The following WASHC3 variants were observed in gnomAD, a reference collection of about 807,000 sequenced individuals.
WASHC3 encodes the protein WASH complex subunit CCDC53.
In WASHC3, 24 loss-of-function variants were observed where a neutral mutation model predicts 26.1. The observed-to-expected ratio is 0.92, with a 90% CI of 0.66 to 1.29. The LOEUF is 1.29. WASHC3 is among the 50% of genes most tolerant of loss of function. WASHC3 has a pLI of 0.00. For synonymous variants in WASHC3, 77 were observed against 75.7 expected (o/e 1.02, Z -0.09); for missense variants, 214 against 229.6 (o/e 0.93, Z 0.44).
At chr12:102,018,783 A>ATTAT (rs894490957) in intron 6 of WASHC3, among the ~76,000 whole-genome samples, 1 of 151,730 alleles carries the variant, frequency 6.6e-6, no homozygotes, top group African/African-American at 2.4e-5. Flanking sequence ...CATTCATTTT[A>ATTAT]TTATTTATTT....
intron 2 of WASHC3, chr12:102,050,722 A>G (rs1030913841): frequency 7.8e-6 from 3 of 385,386 alleles, no homozygotes; most frequent in Middle Eastern, 7.6e-4. Flanking sequence ...TCCTGTTTAT[A>G]AAGTACCTTT....
At chr12:102,033,469 C>T (rs961023595) in intron 5 of WASHC3, among the ~76,000 whole-genome samples, 2 of 152,062 alleles carry the variant, frequency 1.3e-5, no homozygotes, top group Non-Finnish European at 2.9e-5. Context: ...AAGTATATTA[C>T]ACTTTGGAAA....
intron 6 of WASHC3, among the ~76,000 whole-genome samples, chr12:102,024,448 A>T (rs1394488907): frequency 6.6e-6 from 1 of 152,232 alleles, no homozygotes; most frequent in Non-Finnish European, 1.5e-5. Flanking sequence ...AGAGATATTA[A>T]AAATGAGAAC....
chr12:102,037,785 TTTTTTTGTTTTTTG>T (rs951824595), intron 5 of WASHC3, among the ~76,000 whole-genome samples: 5 of 152,064 alleles, frequency 3.3e-5, no homozygotes, highest in South Asian at 4.1e-4. Flanking sequence ...TATTCAGTTT[TTTTTTTGTTTTTTG>T]TTTTTTGTTT....
intron 2 of WASHC3, among the ~76,000 whole-genome samples, 186 bp downstream of exon 2, chr12:102,061,062 T>C (rs1878790457): frequency 6.6e-6 from 1 of 150,790 alleles, no homozygotes; most frequent in South Asian, 2.1e-4. Flanking sequence ...ACTAACTCAG[T>C]AGAGGAGGGG....
At chr12:102,015,106 C>G (rs1345941868) in intron 6 of WASHC3, among the ~76,000 whole-genome samples, 1 of 152,088 alleles carries the variant, frequency 6.6e-6, no homozygotes, top group Non-Finnish European at 1.5e-5. Context: ...AGTTCAAGAC[C>G]AGCCTGGGCA....
chr12:102,016,124 A>C (rs1876690228), intron 6 of WASHC3, among the ~76,000 whole-genome samples: 1 of 152,090 alleles, frequency 6.6e-6, no homozygotes, highest in Non-Finnish European at 1.5e-5. Flanking sequence ...TCCTGACCTC[A>C]AGTGATCCAT....
intron 5 of WASHC3, among the ~76,000 whole-genome samples, chr12:102,034,989 G>C (rs1877593307): frequency 6.6e-6 from 1 of 152,028 alleles, no homozygotes; most frequent in African/African-American, 2.4e-5. Context: ...CACATATATG[G>C]AAATTCTTGA....
At chr12:102,055,496 C>T (rs537243036) in intron 2 of WASHC3, among the ~76,000 whole-genome samples, 1 of 152,264 alleles carries the variant, frequency 6.6e-6, no homozygotes, top group East Asian at 1.9e-4. Context: ...CAGGTGTGCA[C>T]CACCACGCCC....
intron 5 of WASHC3, among the ~76,000 whole-genome samples, chr12:102,032,165 A>G (rs1426889398): frequency 4.6e-5 from 7 of 152,170 alleles, no homozygotes; most frequent in Non-Finnish European, 2.9e-5. Context: ...ACATTTCCTC[A>G]GGCCAACATC....
rs1322951932 is a variant in WASHC3 at position 102,046,053 on chromosome 12, C to A, written c.216+1G>T. 2 of 1,565,388 alleles carry A rather than the reference C, an allele frequency of 1.3e-6. No homozygotes were observed. The highest frequency in any genetic ancestry group is 1.7e-6 in the Non-Finnish European group (2 of 1,143,344). ...ACTACAAATTATTGAGAAATACCAACCTTTGCATCTAAAATATTGAGAGTT... is the reference window on the plus strand; with the variant it reads ...ACTACAAATTATTGAGAAATACCAAACTTTGCATCTAAAATATTGAGAGTT... On this transcript the variant is annotated splice_donor_variant, in intron 3 of 6. Transcript: ENST00000240079. LOFTEE classifies it high-confidence loss of function.
rs768625901 is a variant in WASHC3, at chr12:102,044,189, A to C, written c.240T>G (p.Asp80Glu). ...AAGGAGATACTTCAACTGTGACATC[A>C]TCTAGGCCTGGGATAGATGACAACT... ...DAKLSSIPGL[D>E]DVTVEVSPLN... The change falls in exon 4 of 7, where the codon GAT becomes GAG. Residue 80 changes from aspartate to glutamate, a missense_variant. Asp to Glu is a conservative substitution (Grantham distance 45, BLOSUM62 2). Transcript: ENST00000240079. 24 of 1,606,552 alleles carry C rather than the reference A, an allele frequency of 1.5e-5. No homozygotes were observed. The South Asian group carries it at 2.6e-4, about 17-fold the overall frequency.
intron 2 of WASHC3, chr12:102,050,453 AACACACACACACACAC>A (rs58251617): frequency 1.5e-4 from 51 of 333,898 alleles, no homozygotes; most frequent in South Asian, 3.0e-4. Flanking sequence ...TGCCATCTCT[AACACACACACACACAC>A]ACACACACAC....
chr12:102,033,095 C>A (rs1268563920), intron 5 of WASHC3, among the ~76,000 whole-genome samples: 2 of 151,964 alleles, frequency 1.3e-5, no homozygotes, highest in Non-Finnish European at 2.9e-5. Context: ...GCAAGTGAAG[C>A]AAGGCACATA....
intron 6 of WASHC3, among the ~76,000 whole-genome samples, chr12:102,017,073 T>C (rs1332249505): frequency 1.3e-5 from 2 of 152,214 alleles, no homozygotes; most frequent in Non-Finnish European, 2.9e-5. Context: ...TCATGGTAAC[T>C]GCCCTATGCA....
In WASHC3 at chr12:102,013,181, G is replaced by A; in HGVS notation, c.512C>T (p.Ala171Val). Reference sequence around the variant, plus strand: ...CTCACTTTCGCCATCAGGCACTGGAGCATCTGGCCTCCTAAAAGAAAAGAA... The same window carrying A: ...CTCACTTTCGCCATCAGGCACTGGAACATCTGGCCTCCTAAAAGAAAAGAA... ...LDPDLLERPD[A>V]PVPDGESEKT... Residue 171 changes from alanine (A) to valine (V), a missense_variant, in exon 7 of 7, where the codon GCT becomes GTT. Transcript: ENST00000240079. 1 of 1,524,974 alleles carries A rather than the reference G, an allele frequency of 6.6e-7. No homozygotes were observed. Among genetic ancestry groups the A allele is most frequent in the Non-Finnish European group, 8.9e-7 (1 of 1,122,514 alleles). 94.5% of individuals were successfully genotyped at this position (1,524,974 alleles called of 1,614,324 possible).
intron 2 of WASHC3, among the ~76,000 whole-genome samples, chr12:102,060,341 T>G (rs546260701): frequency 6.6e-6 from 1 of 152,278 alleles, no homozygotes; most frequent in East Asian, 1.9e-4. Context: ...AACACTGAGT[T>G]TCTCTGTTGT....
chr12:102,027,899 G>A (rs185646742), intron 5 of WASHC3, among the ~76,000 whole-genome samples: 2 of 152,164 alleles, frequency 1.3e-5, no homozygotes, highest in African/African-American at 2.4e-5. Context: ...ATACTTAAAT[G>A]CATTCTAAAT....
chr12:102,019,961 C>T (rs886395667), intron 6 of WASHC3, among the ~76,000 whole-genome samples: 1 of 152,154 alleles, frequency 6.6e-6, no homozygotes, highest in African/African-American at 2.4e-5. Flanking sequence ...AGGTTGTCAA[C>T]TAGAATCCTT....
Sources: gnomAD v4.1 joint callset for allele counts (sites outside exome capture counted in the v4.1 genomes callset) on GRCh38, gnomAD v4.1.1 for gene constraint, MANE v1.5 for transcripts, NCBI Gene and HGNC (gene_info 2026-07-23, HGNC 2026-07-21) for gene names.